Variants in UFD1 observed in about 807,000 individuals in gnomAD.
The protein encoded by UFD1 is ubiquitin recognition factor in ER-associated degradation protein 1.
UFD1 carries 13 observed loss-of-function variants against 45.9 expected under a neutral mutation model. The observed-to-expected ratio is 0.28, with a 90% CI of 0.18 to 0.45. The LOEUF (loss-of-function observed/expected upper bound fraction) is 0.45, where lower values mean the gene tolerates loss of function less well. Among genes scored for constraint, UFD1 ranks in the 20% least tolerant of loss-of-function variants. UFD1 has a pLI of 1.00. For missense variants in UFD1, 218 were observed against 389.2 expected (o/e 0.56, Z 3.70); for synonymous variants, 128 against 139.2 (o/e 0.92, Z 0.56).
At chr22:19,476,221 T>G (rs1353679944) in intron 1 of UFD1, among the ~76,000 whole-genome samples, 1 of 152,094 alleles carries the variant, frequency 6.6e-6, no homozygotes, top group Admixed American at 6.5e-5. Context: ...AAGACCTGAA[T>G]GCTATGAGAG....
chr22:19,470,207 C>T (rs929179297), intron 4 of UFD1, among the ~76,000 whole-genome samples: 1 of 152,192 alleles, frequency 6.6e-6, no homozygotes, highest in Non-Finnish European at 1.5e-5. Context: ...TAAAAGCCCC[C>T]CAACAGGCCA....
intron 6 of UFD1, among the ~76,000 whole-genome samples, chr22:19,464,831 C>T (rs183232508): frequency 1.5e-3 from 235 of 152,306 alleles, no homozygotes; most frequent in African/African-American, 5.3e-3. Context: ...GGCAGGTATC[C>T]CAAGGACAAG....
chr22:19,457,634 A>G (rs1569327158), intron 7 of UFD1, among the ~76,000 whole-genome samples: 1 of 152,072 alleles, frequency 6.6e-6, no homozygotes, highest in South Asian at 2.1e-4. Flanking sequence ...CCAACATGGT[A>G]AAACCCTGTC....
At chr22:19,475,196 A>C (rs1274342096) in intron 2 of UFD1, 96 bp from the exon 3 acceptor site, 2 of 1,324,558 alleles carry the variant, frequency 1.5e-6, no homozygotes, top group East Asian at 2.5e-5. Context: ...AAAAAGCCTT[A>C]AACTGTTTTT....
At chr22:19,475,011 C>T (rs878867095) in intron 3 of UFD1, 57 bp downstream of exon 3, 2 of 1,534,192 alleles carry the variant, frequency 1.3e-6, no homozygotes, top group South Asian at 2.4e-5. Context: ...CCCATGCTGA[C>T]TCTTGGTGTC....
At chr22:19,478,447 G>C (rs1306205236) in intron 1 of UFD1, among the ~76,000 whole-genome samples, 2 of 152,188 alleles carry the variant, frequency 1.3e-5, no homozygotes, top group Admixed American at 1.3e-4. Context: ...GTAAACGTTA[G>C]TTTTCTCATG....
At chr22:19,468,775 C>T (rs1047578682) in intron 4 of UFD1, among the ~76,000 whole-genome samples, 3 of 152,198 alleles carry the variant, frequency 2.0e-5, no homozygotes, top group African/African-American at 7.2e-5. Flanking sequence ...GTGGCTCAGT[C>T]CATCGATCAG....
chr22:19,472,756 A>C (rs939190663), intron 3 of UFD1, among the ~76,000 whole-genome samples: 1 of 152,186 alleles, frequency 6.6e-6, no homozygotes, highest in African/African-American at 2.4e-5. Flanking sequence ...GGGGAAACTA[A>C]GGCCCACAGG....
At chr22:19,477,553 A>G (rs896348862) in intron 1 of UFD1, among the ~76,000 whole-genome samples, 3 of 152,224 alleles carry the variant, frequency 2.0e-5, no homozygotes, top group African/African-American at 7.2e-5. Flanking sequence ...ATGGAGAGCT[A>G]TTGTTTAATG....
chr22:19,454,969 A>G (rs1369429819), intron 10 of UFD1, 139 bp from the exon 11 acceptor site: 14 of 975,376 alleles, frequency 1.4e-5, no homozygotes, highest in Non-Finnish European at 2.0e-5. Flanking sequence ...GCATCCTCCC[A>G]GGAGGGAAGC....
At chr22:19,461,926 T>TTTCAAGATATTTGC (rs1372180029) in intron 6 of UFD1, among the ~76,000 whole-genome samples, 1 of 152,216 alleles carries the variant, frequency 6.6e-6, no homozygotes, top group Admixed American at 6.5e-5. Flanking sequence ...CAGTTTTATC[T>TTTCAAGATATTTGC]TTCAAGATAT....
rs1294636644 is a variant in UFD1, at chr22:19,479,169, C to G, written c.-84G>C. On this transcript the variant is annotated 5_prime_UTR_variant, in exon 1 of 12. Transcript: ENST00000263202. ...CGACCGCTCTCCCAGCCGCCGCTGCCGCTGCCGCCGCGCCAAGCCGGTACG... is the reference window on the plus strand; with the variant it reads ...CGACCGCTCTCCCAGCCGCCGCTGCGGCTGCCGCCGCGCCAAGCCGGTACG... The G allele has an allele frequency of 3.2e-6, 5 of 1,571,866 alleles. No individual in the cohort carries two copies. In the Admixed American group the frequency reaches 7.6e-5, roughly 24 times the overall value.
intron 6 of UFD1, among the ~76,000 whole-genome samples, chr22:19,464,454 C>G (rs2089787801): frequency 6.6e-6 from 1 of 152,216 alleles, no homozygotes; most frequent in Non-Finnish European, 1.5e-5. Context: ...GCAGGATTGC[C>G]AACTATTACA....
chr22:19,451,763 ATCC>A, intron 11 of UFD1: 1 of 985,416 alleles, frequency 1.0e-6, no homozygotes, highest in Non-Finnish European at 1.2e-6. Context: ...CCTTCCATTC[ATCC>A]TGGTGTCAAT....
chr22:19,461,868 TTATC>T (rs768106062), intron 6 of UFD1, among the ~76,000 whole-genome samples: 8 of 152,216 alleles, frequency 5.3e-5, no homozygotes, highest in Non-Finnish European at 8.8e-5. Flanking sequence ...AGGAAATAAT[TTATC>T]AATGTCAAAT....
rs765402844 is a variant in UFD1, at chr22:19,479,032, T to C, written c.3+51A>G. On this transcript the variant is annotated intron_variant, in intron 1 of 11. Transcript: ENST00000263202. Reference sequence around the variant, plus strand: ...CCGCCCTGCCCCGCCGGGCCCTACCTCAGGCCCCGGGCCAAGGCCCAGCCC... The same window carrying C: ...CCGCCCTGCCCCGCCGGGCCCTACCCCAGGCCCCGGGCCAAGGCCCAGCCC... 1.2e-5 allele frequency: 10 copies of C among 842,618 alleles called. No individual in the cohort carries two copies. In the East Asian group the frequency reaches 3.0e-4, roughly 25 times the overall value. The allele number at this position is 842,618 out of a possible 1,614,324, so 52.2% of individuals were successfully genotyped here.
rs772436238 is a variant in UFD1, at chr22:19,454,808, T to G, written c.790A>C (p.Lys264Gln). The G allele has an allele frequency of 1.1e-5, 18 of 1,613,788 alleles. No individual in the cohort carries two copies. In the East Asian group the frequency reaches 4.0e-4, roughly 36 times the overall value. Residue 264 changes from lysine to glutamine, a missense_variant, in exon 11 of 12, where the codon AAA becomes CAA. Around this residue, in one of 2 missense-constraint regions of UFD1, gnomAD observed 69 missense variants for 81.7 expected, o/e 0.84. Transcript: ENST00000263202. ...IKRGIPNYEF[K>Q]LGKITFIRNS... is the part of the protein sequence containing the mutation. ...CTGATGAAAGTTATCTTACCAAGTT[T>G]AAATTCATAATTGGGAATTCCTCTG...
intron 3 of UFD1, among the ~76,000 whole-genome samples, chr22:19,473,552 T>C (rs565096506): frequency 3.9e-5 from 6 of 152,202 alleles, no homozygotes; most frequent in Non-Finnish European, 7.3e-5. Context: ...TTAGGGAGCC[T>C]GTTCTCTCCT....
intron 5 of UFD1, chr22:19,466,490 A>G (rs1174203029): frequency 2.0e-5 from 3 of 152,264 alleles, no homozygotes; most frequent in Non-Finnish European, 4.4e-5. Flanking sequence ...CCACACACTA[A>G]CAAGTTAATT....
Sources: allele counts gnomAD v4.1 joint callset (sites outside exome capture counted in the v4.1 genomes callset), GRCh38; gene constraint gnomAD v4.1.1; regional missense constraint gnomAD v4.1.1; transcripts MANE v1.5; gene names NCBI Gene and HGNC (gene_info 2026-07-23, HGNC 2026-07-21).